Variants in HSD17B12 observed in about 807,000 individuals in gnomAD.
HSD17B12 encodes very-long-chain 3-oxoacyl-CoA reductase.
A neutral mutation model predicts 39.3 loss-of-function variants in HSD17B12; 32 were observed. That is an observed-to-expected ratio of 0.81 (90% confidence interval 0.61 to 1.09). The LOEUF (loss-of-function observed/expected upper bound fraction) is 1.09, where lower values mean the gene tolerates loss of function less well. Ranked by LOEUF, HSD17B12 falls within the 50% of genes least tolerant of loss-of-function variation. The probability of loss-of-function intolerance (pLI) is 0.00; values close to 1 mark genes in which losing one functional copy is unlikely to be tolerated. For missense variants in HSD17B12, 342 were observed against 382.9 expected, an observed-to-expected ratio of 0.89 and a Z score of 0.89; for synonymous variants, 150 against 146.7, an observed-to-expected ratio of 1.02 and a Z score of -0.16.
chr11:43,706,724 T>TGTGTGTGTGTGTGTGTGTTG (rs1204580097), intron 1 of HSD17B12, among the ~76,000 whole-genome samples: 1 of 80,304 alleles, frequency 1.2e-5, no homozygotes, highest in African/African-American at 4.5e-5. Flanking sequence ...GTGTGTGTTG[T>TGTGTGTGTGTGTGTGTGTTG]GGGGGGTGGG....
the HSD17B12 span, among the ~76,000 whole-genome samples, chr11:43,650,104 A>G: frequency 6.6e-6 from 1 of 152,182 alleles, no homozygotes; most frequent in Non-Finnish European, 1.5e-5. Context: ...GTTTGTTTTA[A>G]GCTTCTAAGG....
At chr11:43,578,293 AC>A in the HSD17B12 span, among the ~76,000 whole-genome samples, 1 of 151,724 alleles carries the variant, frequency 6.6e-6, no homozygotes, top group Non-Finnish European at 1.5e-5. Context: ...TGCTTCATTC[AC>A]CCCTTCCCTT....
chr11:43,847,545 A>T (rs1459655528), intron 9 of HSD17B12, among the ~76,000 whole-genome samples: 3 of 152,002 alleles, frequency 2.0e-5, no homozygotes, highest in African/African-American at 2.4e-5. Flanking sequence ...TCTCTACAAA[A>T]AATAGAAATA....
intron 3 of HSD17B12, among the ~76,000 whole-genome samples, chr11:43,787,134 G>A (rs1950822625): frequency 6.6e-6 from 1 of 151,948 alleles, no homozygotes; most frequent in African/African-American, 2.4e-5. Context: ...TAGACCCTGG[G>A]TTTCAGCATG....
chr11:43,761,587 G>C (rs1240170295), intron 3 of HSD17B12, among the ~76,000 whole-genome samples: 1 of 152,214 alleles, frequency 6.6e-6, no homozygotes, highest in Non-Finnish European at 1.5e-5. Context: ...CATTACTGAG[G>C]TCACTCAGTG....
chr11:43,640,169 T>TGG, the HSD17B12 span, among the ~76,000 whole-genome samples: 10 of 151,938 alleles, frequency 6.6e-5, no homozygotes, highest in African/African-American at 2.2e-4. Flanking sequence ...GAAGAAATAA[T>TGG]TAGAAAACTG....
chr11:43,749,299 T>C (rs1056696766), intron 1 of HSD17B12, among the ~76,000 whole-genome samples: 1 of 152,160 alleles, frequency 6.6e-6, no homozygotes, highest in Non-Finnish European at 1.5e-5. Flanking sequence ...CAAATTTTAT[T>C]ATGGAACATT....
the HSD17B12 span, among the ~76,000 whole-genome samples, chr11:43,657,510 A>G: frequency 6.6e-6 from 1 of 152,094 alleles, no homozygotes; most frequent in South Asian, 2.1e-4. Context: ...TGGTCTTTAC[A>G]ATTTGGCATG....
chr11:43,797,724 A>G (rs1411032975), intron 3 of HSD17B12, among the ~76,000 whole-genome samples: 3 of 152,212 alleles, frequency 2.0e-5, no homozygotes, highest in Non-Finnish European at 4.4e-5. Flanking sequence ...ACTTGTGTAA[A>G]GTAGAATACT....
At chr11:43,659,439 G>A in the HSD17B12 span, among the ~76,000 whole-genome samples, 12 of 152,256 alleles carry the variant, frequency 7.9e-5, no homozygotes, top group South Asian at 6.2e-4. Context: ...AGATGAAACC[G>A]GTACCTCAGT....
intron 1 of HSD17B12, among the ~76,000 whole-genome samples, chr11:43,697,617 T>C (rs916659521): frequency 6.6e-6 from 1 of 152,182 alleles, no homozygotes; most frequent in Non-Finnish European, 1.5e-5. Flanking sequence ...CAATTTCCTC[T>C]CTTAGCCACT....
the HSD17B12 span, among the ~76,000 whole-genome samples, chr11:43,655,956 A>T: frequency 6.6e-6 from 1 of 152,104 alleles, no homozygotes; most frequent in Non-Finnish European, 1.5e-5. Context: ...TTTACTATTG[A>T]TTGGAATAGT....
intron 6 of HSD17B12, among the ~76,000 whole-genome samples, chr11:43,822,373 T>G (rs1951191538): frequency 6.6e-6 from 1 of 152,196 alleles, no homozygotes; most frequent in African/African-American, 2.4e-5. Flanking sequence ...AGGGTACATG[T>G]GCACAACTTG....
intron 3 of HSD17B12, among the ~76,000 whole-genome samples, chr11:43,798,051 A>G (rs989576411): frequency 3.3e-5 from 5 of 152,182 alleles, no homozygotes; most frequent in African/African-American, 4.8e-5. Flanking sequence ...AGTAGTTTTC[A>G]TTATTGATTT....
chr11:43,692,480 G>A (rs1006081069), intron 1 of HSD17B12, among the ~76,000 whole-genome samples: 11 of 152,214 alleles, frequency 7.2e-5, no homozygotes, highest in Admixed American at 6.5e-4. Context: ...GTGGTATCAG[G>A]AAATTACAGG....
At chr11:43,722,449 C>T (rs1950184241) in intron 1 of HSD17B12, among the ~76,000 whole-genome samples, 1 of 152,226 alleles carries the variant, frequency 6.6e-6, no homozygotes, top group Admixed American at 6.5e-5. Context: ...TAGTCACTCA[C>T]ACCTGTAATC....
chr11:43,814,152 TCA>T (rs1376444169), intron 4 of HSD17B12, among the ~76,000 whole-genome samples: 1 of 145,772 alleles, frequency 6.9e-6, no homozygotes, highest in African/African-American at 2.7e-5. Context: ...TGTTTATTAT[TCA>T]GTTATTATGA....
At chr11:43,632,742 G>A in the HSD17B12 span, among the ~76,000 whole-genome samples, 1 of 152,126 alleles carries the variant, frequency 6.6e-6, no homozygotes, top group African/African-American at 2.4e-5. Context: ...ATGTAGGTAA[G>A]TTATCATAGG....
intron 6 of HSD17B12, among the ~76,000 whole-genome samples, chr11:43,818,932 C>T (rs557461996): frequency 2.0e-5 from 3 of 152,092 alleles, no homozygotes; most frequent in East Asian, 1.9e-4. Context: ...TAGTCTACAA[C>T]GTATATATTT....
Sources: gnomAD v4.1 joint callset for allele counts (sites outside exome capture counted in the v4.1 genomes callset) on GRCh38, gnomAD v4.1.1 for gene constraint, MANE v1.5 for transcripts, NCBI Gene and HGNC (gene_info 2026-07-23, HGNC 2026-07-21) for gene names.